ANLN: variants seen among roughly 807,000 people sequenced by gnomAD.
The protein encoded by ANLN is anillin.
Under a neutral mutation model 135.1 loss-of-function variants are expected in ANLN, and 59 were observed. The observed-to-expected ratio is 0.44, with a 90% CI of 0.35 to 0.54. The LOEUF (loss-of-function observed/expected upper bound fraction) is 0.54, where lower values mean the gene tolerates loss of function less well. ANLN is among the 20% of genes least tolerant of loss of function. The probability of loss-of-function intolerance (pLI) is 0.00; values close to 1 mark genes in which losing one functional copy is unlikely to be tolerated. For missense variants in ANLN, 1,182 were observed against 1,340.0 expected (o/e 0.88, Z 1.84); for synonymous variants, 406 against 456.4 (o/e 0.89, Z 1.41).
At chr7:36,404,040 G>A (rs1446189891) in intron 3 of ANLN, among the ~76,000 whole-genome samples, 3 of 151,954 alleles carry the variant, frequency 2.0e-5, no homozygotes, top group East Asian at 1.9e-4. Context: ...GCACGATCTC[G>A]GCTCACTGCA....
At chr7:36,392,509 A>T (rs1163494741) in intron 1 of ANLN, among the ~76,000 whole-genome samples, 2 of 70,208 alleles carry the variant, frequency 2.8e-5, no homozygotes, top group Non-Finnish European at 5.8e-5. Context: ...ATGTTATTGC[A>T]GTGGTTTTTT....
At chr7:36,425,987 T>C in intron 18 of ANLN, 28 bp from the exon 19 acceptor site, 1 of 1,490,236 alleles carries the variant, frequency 6.7e-7, no homozygotes, top group Admixed American at 2.3e-5. Context: ...CTTATGTTTC[T>C]TCTTCACACC....
chr7:36,410,920 G>A (rs1036504164), intron 6 of ANLN, 139 bp from the exon 7 acceptor site: 1 of 866,772 alleles, frequency 1.2e-6, no homozygotes, highest in Non-Finnish European at 1.7e-6. Context: ...AATTCCATGT[G>A]TATTATGAAC....
intron 23 of ANLN, among the ~76,000 whole-genome samples, chr7:36,451,503 A>G (rs1274076836): frequency 1.3e-5 from 2 of 152,190 alleles, no homozygotes; most frequent in African/African-American, 4.8e-5. Context: ...TAACCTCCAC[A>G]GTGACTAGAG....
chr7:36,400,098 A>G (rs928489374), intron 3 of ANLN, among the ~76,000 whole-genome samples: 1 of 152,220 alleles, frequency 6.6e-6, no homozygotes, highest in Non-Finnish European at 1.5e-5. Context: ...AGTGAAAAGT[A>G]AAGTCATTTT....
intron 22 of ANLN, chr7:36,449,446 G>T: frequency 2.6e-5 from 10 of 389,246 alleles, no homozygotes; most frequent in South Asian, 4.7e-5. Flanking sequence ...TAGGATAGTT[G>T]GCAAGAGCTA....
At chr7:36,447,600 A>AT (rs1030892045) in intron 22 of ANLN, among the ~76,000 whole-genome samples, 1 of 150,692 alleles carries the variant, frequency 6.6e-6, no homozygotes, top group African/African-American at 2.4e-5. Context: ...AATTTTTTGT[A>AT]TTTTTTTAGT....
intron 7 of ANLN, among the ~76,000 whole-genome samples, chr7:36,412,840 A>G (rs1266037860): frequency 6.6e-6 from 1 of 152,112 alleles, no homozygotes; most frequent in East Asian, 1.9e-4. Context: ...CCATGTTTTT[A>G]TATCTCTCTG....
chr7:36,396,934 C>T (rs896187914), intron 2 of ANLN, among the ~76,000 whole-genome samples: 6 of 152,220 alleles, frequency 3.9e-5, no homozygotes, highest in African/African-American at 1.4e-4. Context: ...AACACAAGCA[C>T]ACACACACAT....
intron 3 of ANLN, 24 bp downstream of exon 3, chr7:36,399,417 G>A: frequency 6.5e-7 from 1 of 1,546,384 alleles, no homozygotes; most frequent in Non-Finnish European, 8.8e-7. Context: ...AGATGGTATG[G>A]CCCATACATC....
In ANLN at chr7:36,407,878, C is replaced by A; in HGVS notation, c.1018C>A (p.Gln340Lys). The change falls in exon 5 of 24, where the codon CAG becomes AAG. Residue 340 changes from glutamine to lysine, a missense_variant. By Grantham distance (53) the Gln-to-Lys change is moderately conservative. Coordinates refer to ENST00000265748, the MANE Select transcript of ANLN (RefSeq NM_018685.5). ...ACCAATTGTGAAGTCAACTTTATCC[C>A]AGACAGTTCCATCCAAGGGAGAATT... ...SKPIVKSTLS[Q>K]TVPSKGELSR... 6.2e-7 allele frequency: 1 copy of A among 1,613,874 alleles called. No individual in the cohort carries two copies. The highest frequency in any genetic ancestry group is 8.5e-7 in the Non-Finnish European group (1 of 1,179,852).
At chr7:36,423,740 C>A in intron 14 of ANLN, 77 bp from the exon 15 acceptor site, 1 of 1,326,166 alleles carries the variant, frequency 7.5e-7, no homozygotes, top group Non-Finnish European at 1.0e-6. Context: ...TCCTTTATTT[C>A]TTTGGTATTC....
chr7:36,410,190 A>T (rs1583609466), intron 5 of ANLN, among the ~76,000 whole-genome samples: 1 of 152,216 alleles, frequency 6.6e-6, no homozygotes, highest in South Asian at 2.1e-4. Context: ...TAATATACAT[A>T]CAGTCAATTT....
In ANLN at chr7:36,416,938, T is replaced by C. The variant is rs1787664407; in HGVS notation, c.1523-142T>C. The C allele has an allele frequency of 5.7e-6, 3 of 524,714 alleles. No individual in the cohort carries two copies. The South Asian group carries it at 9.7e-5, about 17-fold the overall frequency. 32.5% of individuals were successfully genotyped at this position (524,714 alleles called of 1,614,324 possible). ...GAGGACAGGTGTTCAGGGAGGGGTG[T>C]TTCTATACATTTCTGGGTTTGGATA... On this transcript the variant is annotated intron_variant, in intron 8 of 23. Coordinates refer to ENST00000265748, the MANE Select transcript of ANLN (RefSeq NM_018685.5).
chr7:36,400,374 T>A (rs1352943339), intron 3 of ANLN, among the ~76,000 whole-genome samples: 1 of 152,186 alleles, frequency 6.6e-6, no homozygotes, highest in African/African-American at 2.4e-5. Flanking sequence ...TTTTCTTTTT[T>A]TTTGAGACAG....
chr7:36,416,720 C>G (rs1277531643), intron 8 of ANLN, among the ~76,000 whole-genome samples: 1 of 151,264 alleles, frequency 6.6e-6, no homozygotes, highest in African/African-American at 2.4e-5. Flanking sequence ...ACTGGAAAAA[C>G]AAACAATAAC....
intron 22 of ANLN, chr7:36,449,428 G>T: frequency 3.2e-6 from 1 of 311,992 alleles, no homozygotes. Context: ...CCATAATAAA[G>T]AGCTTTATAG....
At position 36,453,715 on chromosome 7, in the gene ANLN, A is replaced by AT. The variant is rs1789334704; in HGVS notation, c.*1121dup. ...TTTTATTTTTTATTCATTCAAATGT[A>AT]TTTTTTCTTGTGCATATTATAAAAA... On this transcript the variant is annotated 3_prime_UTR_variant, in exon 24 of 24. Coordinates refer to ENST00000265748, the MANE Select transcript of ANLN (RefSeq NM_018685.5). The AT allele has an allele frequency of 6.6e-6, 1 of 152,430 alleles. No individual in the cohort carries two copies. The highest frequency in any genetic ancestry group is 2.4e-5 in the African/African-American group (1 of 41,396). The allele number at this position is 152,430 out of a possible 1,614,324, so 9.4% of individuals were successfully genotyped here. A position where few individuals can be genotyped will look rare whatever the true frequency, so the allele number is the denominator to read the frequency against.
Position 36,419,253 on chromosome 7 carries a change from G to A in ANLN, c.1643G>A (p.Arg548His), listed in dbSNP as rs376681031. 40 of 1,612,326 alleles carry A rather than the reference G, an allele frequency of 2.5e-5. No homozygotes were observed. The highest frequency in any genetic ancestry group is 2.4e-4 in the South Asian group (22 of 90,952). Residue 548 changes from arginine (R) to histidine (H), a missense_variant, in exon 10 of 24, where the codon CGT becomes CAT. Arg to His is a conservative substitution (Grantham distance 29, BLOSUM62 0). Transcript: ENST00000265748. ...TTGAAATATTTTTCAGAAGTGATAC[G>A]TGAAATTGAGATGAGTGTGGATGAT... is the stretch of plus-strand genomic sequence containing the variant. ...PKVEQKIEVI[R>H]EIEMSVDDDD...
Sources: allele counts gnomAD v4.1 joint callset (sites outside exome capture counted in the v4.1 genomes callset), GRCh38; gene constraint gnomAD v4.1.1; transcripts MANE v1.5; gene names NCBI Gene and HGNC (gene_info 2026-07-23, HGNC 2026-07-21).